Variants in RUVBL2 observed in about 807,000 individuals in gnomAD.
The protein encoded by RUVBL2 is ruvB-like 2.
A neutral mutation model predicts 57.9 loss-of-function variants in RUVBL2; 9 were observed. The ratio of observed to expected loss-of-function variants is 0.16; its 90% CI spans 0.09 to 0.27. The LOEUF (loss-of-function observed/expected upper bound fraction) is 0.27, where lower values mean the gene tolerates loss of function less well. Ranked by LOEUF, RUVBL2 falls within the 10% of genes least tolerant of loss-of-function variation. The pLI is 1.00. For missense variants in RUVBL2, 456 were observed against 669.6 expected, an observed-to-expected ratio of 0.68 and a Z score of 3.52; for synonymous variants, 278 against 264.6, an observed-to-expected ratio of 1.05 and a Z score of -0.49.
chr19:49,004,895 C>G (rs2039253488), intron 4 of RUVBL2, among the ~76,000 whole-genome samples: 1 of 151,518 alleles, frequency 6.6e-6, no homozygotes, highest in South Asian at 2.1e-4. Context: ...TTTAAAATTT[C>G]ATAATTTGGA....
At chr19:49,014,430 G>A (rs1032475115) in intron 11 of RUVBL2, 54 bp from the exon 12 acceptor site, 3 of 1,585,462 alleles carry the variant, frequency 1.9e-6, no homozygotes, top group Non-Finnish European at 2.6e-6. Context: ...CCCAGCAAAG[G>A]GAATGAAGAG....
chr19:49,006,919 C>T, intron 4 of RUVBL2, 99 bp from the exon 5 acceptor site: 1 of 1,509,478 alleles, frequency 6.6e-7, no homozygotes, highest in Non-Finnish European at 9.0e-7. Context: ...GCACTGAACC[C>T]TCTTTCCTGG....
In RUVBL2 at chr19:49,011,021, A is replaced by G; in HGVS notation, c.810A>G (p.Ser270=). 1 of 1,612,906 alleles carries G rather than the reference A, an allele frequency of 6.2e-7. No homozygotes were observed. Among genetic ancestry groups the G allele is most frequent in the Non-Finnish European group, 8.5e-7 (1 of 1,179,786 alleles). Residue 270 remains serine (S), a synonymous_variant, in exon 10 of 15, where the codon TCA becomes TCG. Transcript: ENST00000595090. This position sits in a 1 kb window ranked among gnomAD's most constrained non-coding sequence, Gnocchi z 4.4. ...LFSGDTGEIK[S]EVREQINAKV... ...TAGGTGACACAGGGGAGATCAAGTC[A>G]GAAGTCCGTGAGCAGATCAATGCCA...
At position 49,011,197 on chromosome 19, in the gene RUVBL2, G is replaced by A. The variant is rs555593832; in HGVS notation, c.888G>A (p.Leu296=). The change falls in exon 11 of 15, where the codon CTG becomes CTA. Residue 296 remains leucine, a synonymous_variant. Transcript: ENST00000595090. The surrounding 1 kb of genome is among the most constrained non-coding windows in gnomAD (Gnocchi z 4.4). ...CACACACACCCCAATCCAAGGTGCT[G>A]TTCATCGACGAGGTCCACATGCTGG... is the stretch of plus-strand genomic sequence containing the variant. ...EGKAEIIPGV[L]FIDEVHMLDI... The A allele has an allele frequency of 1.7e-5, 28 of 1,613,916 alleles. No homozygotes were observed. The South Asian group carries it at 2.9e-4, about 16-fold the overall frequency.
chr19:49,001,982 A>G (rs1416948467), intron 2 of RUVBL2, among the ~76,000 whole-genome samples: 1 of 152,044 alleles, frequency 6.6e-6, no homozygotes, highest in East Asian at 1.9e-4. Context: ...CTCCTCTTGC[A>G]GTGCGAAGGC....
At chr19:48,999,993 A>G (rs2122588144) in intron 2 of RUVBL2, among the ~76,000 whole-genome samples, 1 of 152,324 alleles carries the variant, frequency 6.6e-6, no homozygotes. Flanking sequence ...TCATTCATGC[A>G]GCAGGCTCAC....
intron 1 of RUVBL2, 151 bp from the exon 2 acceptor site, chr19:48,999,168 A>C: frequency 2.5e-6 from 2 of 802,060 alleles, no homozygotes; most frequent in Non-Finnish European, 4.3e-6. Context: ...AGGCAGTGAC[A>C]GGCAAGAGGG....
rs1243454714 is a variant in RUVBL2 at position 49,010,541 on chromosome 19, G to C, written c.717G>C (p.Val239=). ...AGCTCCAGAAACGCAAGGAGGTGGT[G>C]CACACCGTGTCCCTGCACGAGATCG... ...DGELQKRKEV[V]HTVSLHEIDV... is the part of the protein sequence containing the mutation. The change falls in exon 9 of 15, where the codon GTG becomes GTC. Residue 239 remains valine, a synonymous_variant. Coordinates refer to ENST00000595090, the MANE Select transcript of RUVBL2 (RefSeq NM_006666.3). The C allele has an allele frequency of 6.2e-7, 1 of 1,611,742 alleles. No homozygotes were observed. The highest frequency in any genetic ancestry group is 8.5e-7 in the Non-Finnish European group (1 of 1,178,982).
At chr19:48,993,482 G>A (rs2038983970), upstream of RUVBL2, 1 of 427,460 alleles carries the variant, frequency 2.3e-6, no homozygotes, top group African/African-American at 2.0e-5. Flanking sequence ...GAGACCTCCA[G>A]GGGGCGGAGC....
intron 8 of RUVBL2, 21 bp from the exon 9 acceptor site, chr19:49,010,467 T>TCCCGCCCC: frequency 7.1e-7 from 1 of 1,401,208 alleles, no homozygotes; most frequent in Non-Finnish European, 9.9e-7. Flanking sequence ...CCGCCGTTCT[T>TCCCGCCCC]CCCCCACCCC....
Position 49,010,538 on chromosome 19 carries a change from G to A in RUVBL2, c.714G>A (p.Val238=), listed in dbSNP as rs1211558004. 3.1e-6 allele frequency: 5 copies of A among 1,608,680 alleles called. No individual in the cohort carries two copies. In the African/African-American group the frequency reaches 4.0e-5, roughly 13 times the overall value. The change falls in exon 9 of 15, where the codon GTG becomes GTA. Residue 238 remains valine (V), a synonymous_variant. Transcript: ENST00000595090. ...PDGELQKRKE[V]VHTVSLHEID... The stretch of plus-strand genomic sequence containing the variant: ...GGGAGCTCCAGAAACGCAAGGAGGT[G>A]GTGCACACCGTGTCCCTGCACGAGA...
intron 4 of RUVBL2, 31 bp from the exon 5 acceptor site, chr19:49,006,987 G>A (rs2122618356): frequency 6.2e-7 from 1 of 1,605,018 alleles, no homozygotes; most frequent in African/African-American, 1.3e-5. Context: ...TGCCAGAGCG[G>A]CTTCACCTAC....
chr19:49,009,496 A>AG (rs1185960549), intron 6 of RUVBL2, among the ~76,000 whole-genome samples: 1 of 152,196 alleles, frequency 6.6e-6, no homozygotes, highest in East Asian at 1.9e-4. Context: ...CAAAAAAAAA[A>AG]AGAACTTTAT....
chr19:49,004,115 CAAAAAAAAAAAAAAA>C, intron 3 of RUVBL2, 147 bp from the exon 4 acceptor site: 1 of 290,920 alleles, frequency 3.4e-6, no homozygotes, highest in South Asian at 2.5e-5. Context: ...GATCTTGTCT[CAAAAAAAAAAAAAAA>C]AAAAAAAAAA....
chr19:49,002,522 G>A (rs1211558387), intron 2 of RUVBL2, among the ~76,000 whole-genome samples: 2 of 152,028 alleles, frequency 1.3e-5, no homozygotes, highest in Non-Finnish European at 2.9e-5. Context: ...ATAGGTTCTG[G>A]GACTGTTGCC....
intron 1 of RUVBL2, among the ~76,000 whole-genome samples, chr19:48,995,462 A>G (rs2039038200): frequency 6.6e-6 from 1 of 151,416 alleles, no homozygotes; most frequent in African/African-American, 2.4e-5. Context: ...GCTTGTGACC[A>G]TTGATGGCCA....
rs1300497849 is a variant in RUVBL2 at position 49,010,749 on chromosome 19, CTGT to C, written c.787+140_787+142del. 7.0e-6 allele frequency: 9 copies of C among 1,294,926 alleles called. No individual in the cohort carries two copies. The African/African-American group carries it at 1.3e-4, about 19-fold the overall frequency. The allele number at this position is 1,294,926 out of a possible 1,614,324, so 80.2% of individuals were successfully genotyped here. On this transcript the variant is annotated intron_variant, in intron 9 of 14. Transcript: ENST00000595090. ...CTGTAACTCCGGCCCGTGGCTGCCT[CTGT>C]TCTCCACCTGCAAGTCCGCTCCGTC...
At chr19:48,996,392 G>T (rs921041267) in intron 1 of RUVBL2, among the ~76,000 whole-genome samples, 1 of 151,872 alleles carries the variant, frequency 6.6e-6, no homozygotes, top group African/African-American at 2.4e-5. Context: ...TGTGATCTTG[G>T]CTCCCTGCAG....
intron 12 of RUVBL2, 122 bp downstream of exon 12, chr19:49,014,725 A>G: frequency 2.2e-6 from 3 of 1,357,344 alleles, no homozygotes; most frequent in South Asian, 2.7e-5. Context: ...GAGAGGGCTG[A>G]GCGGGCACCC....
Sources: allele counts gnomAD v4.1 joint callset (sites outside exome capture counted in the v4.1 genomes callset), GRCh38; gene constraint gnomAD v4.1.1; non-coding constraint Gnocchi (gnomAD v3.1); transcripts MANE v1.5; gene names NCBI Gene and HGNC (gene_info 2026-07-23, HGNC 2026-07-21).